The following FPR3 variants were observed in gnomAD, a reference collection of about 807,000 sequenced individuals.
FPR3 encodes N-formyl peptide receptor 3.
For synonymous variants in FPR3, 135 were observed against 163.6 expected (o/e 0.83, Z 1.34); for missense variants, 346 against 443.2 (o/e 0.78, Z 1.97).
chr19:51,798,698 C>T (rs1358576685), intron 1 of FPR3, among the ~76,000 whole-genome samples: 1 of 152,008 alleles, frequency 6.6e-6, no homozygotes, highest in African/African-American at 2.4e-5. Flanking sequence ...CATGGATTCT[C>T]CCTAGTAAAA....
intron 1 of FPR3, among the ~76,000 whole-genome samples, chr19:51,812,894 G>T (rs1420844645): frequency 6.6e-6 from 1 of 152,148 alleles, no homozygotes; most frequent in Non-Finnish European, 1.5e-5. Flanking sequence ...TCTGAGGTGG[G>T]TGAATCACCT....
At chr19:51,801,604 A>T (rs2084027110) in intron 1 of FPR3, among the ~76,000 whole-genome samples, 1 of 152,172 alleles carries the variant, frequency 6.6e-6, no homozygotes, top group African/African-American at 2.4e-5. Context: ...AACATGGTGA[A>T]ACCCCATCTC....
At chr19:51,822,968 T>C (rs971769691) in intron 1 of FPR3, among the ~76,000 whole-genome samples, 1 of 152,072 alleles carries the variant, frequency 6.6e-6, no homozygotes, top group African/African-American at 2.4e-5. Flanking sequence ...GTTCAAGCAA[T>C]TCTCCTGCCT....
chr19:51,811,205 T>G (rs1432422998), intron 1 of FPR3, among the ~76,000 whole-genome samples: 1 of 152,180 alleles, frequency 6.6e-6, no homozygotes, highest in Admixed American at 6.5e-5. Context: ...GATGAGCCCA[T>G]TTTAATCCTT....
chr19:51,801,846 T>C (rs533231484), intron 1 of FPR3, among the ~76,000 whole-genome samples: 1 of 152,368 alleles, frequency 6.6e-6, no homozygotes, highest in African/African-American at 2.4e-5. Context: ...TCTACTCCCA[T>C]AATCTTGAGA....
intron 1 of FPR3, among the ~76,000 whole-genome samples, chr19:51,799,033 G>A (rs1339356697): frequency 2.0e-5 from 3 of 151,474 alleles, no homozygotes; most frequent in Non-Finnish European, 4.4e-5. Flanking sequence ...CTTGAACCCA[G>A]GAGGCGAAGG....
chr19:51,805,899 G>C (rs1390927661), intron 1 of FPR3, among the ~76,000 whole-genome samples: 2 of 152,148 alleles, frequency 1.3e-5, no homozygotes, highest in Non-Finnish European at 2.9e-5. Flanking sequence ...CCAAGCCTCG[G>C]ACAGATTAAC....
At chr19:51,800,771 C>A (rs191664535) in intron 1 of FPR3, among the ~76,000 whole-genome samples, 42 of 151,964 alleles carry the variant, frequency 2.8e-4, no homozygotes, top group African/African-American at 9.9e-4. Flanking sequence ...TTTTTGGTAA[C>A]AATGTGTAAA....
rs140768137 is a variant in FPR3 at position 51,823,909 on chromosome 19, G to A, written c.161G>A (p.Arg54Gln). 39 of 1,614,030 alleles carry A rather than the reference G, an allele frequency of 2.4e-5. No homozygotes were observed. The highest frequency in any genetic ancestry group is 3.3e-4 in the Middle Eastern group (2 of 6,056). The change falls in exon 2 of 2, where the codon CGG (arginine) becomes CAG (glutamine). Residue 54 changes from arginine to glutamine, a missense_variant. Coordinates refer to ENST00000339223, the MANE Select transcript of FPR3 (RefSeq NM_002030.5). ...CTTGTGATCTGGGTGGCTGGATTCCGGATGACACGCACAGTCAACACCATC... is the reference window on the plus strand; with the variant it reads ...CTTGTGATCTGGGTGGCTGGATTCCAGATGACACGCACAGTCAACACCATC... ...NGLVIWVAGF[R>Q]MTRTVNTICY...
At position 51,824,305 on chromosome 19, in the gene FPR3, C is replaced by T; in HGVS notation, c.557C>T (p.Thr186Ile). The change falls in exon 2 of 2, where the codon ACT becomes ATT. Residue 186 changes from threonine to isoleucine, a missense_variant. Transcript: ENST00000339223. This position sits in a 1 kb window ranked among gnomAD's most constrained non-coding sequence, Gnocchi z 4.7. ...TTCAACTTTGCATTCTGGGGTGACACTGCTGTAGAGAGGTTGAACGTGTTC... is the reference window on the plus strand; with the variant it reads ...TTCAACTTTGCATTCTGGGGTGACATTGCTGTAGAGAGGTTGAACGTGTTC... ...CIFNFAFWGD[T>I]AVERLNVFIT... The T allele has an allele frequency of 6.2e-7, 1 of 1,614,152 alleles. No individual in the cohort carries two copies. Among genetic ancestry groups the T allele is most frequent in the Non-Finnish European group, 8.5e-7 (1 of 1,180,010 alleles).
intron 1 of FPR3, among the ~76,000 whole-genome samples, chr19:51,813,096 G>A (rs1393389917): frequency 6.6e-6 from 1 of 151,034 alleles, no homozygotes; most frequent in South Asian, 2.1e-4. Context: ...TCCAGCATGG[G>A]TGACAGAGTG....
chr19:51,806,736 A>G (rs540498394), intron 1 of FPR3, among the ~76,000 whole-genome samples: 190 of 152,362 alleles, frequency 1.2e-3, no homozygotes, highest in African/African-American at 4.4e-3. Flanking sequence ...GATGACAGAC[A>G]ATGTCGCTGT....
At chr19:51,809,922 C>G (rs1465930493) in intron 1 of FPR3, among the ~76,000 whole-genome samples, 1 of 152,012 alleles carries the variant, frequency 6.6e-6, no homozygotes. Context: ...GGTCCAGGCC[C>G]CCATCTCATT....
At chr19:51,815,310 C>G (rs1425152864) in intron 1 of FPR3, among the ~76,000 whole-genome samples, 1 of 151,972 alleles carries the variant, frequency 6.6e-6, no homozygotes, top group African/African-American at 2.4e-5. Context: ...GCCTGTAATC[C>G]CAGCACTCTC....
intron 1 of FPR3, among the ~76,000 whole-genome samples, chr19:51,810,590 C>G (rs1321909656): frequency 1.3e-5 from 2 of 152,184 alleles, no homozygotes; most frequent in African/African-American, 4.8e-5. Context: ...TGTAATGTCT[C>G]CGTGTCCAGC....
At chr19:51,819,872 T>C (rs1761983002) in intron 1 of FPR3, among the ~76,000 whole-genome samples, 3 of 152,192 alleles carry the variant, frequency 2.0e-5, no homozygotes, top group South Asian at 4.1e-4. Flanking sequence ...AAGGATCTAG[T>C]AGAAATCAAA....
At chr19:51,817,779 T>C (rs545255077) in intron 1 of FPR3, 1 of 152,318 alleles carries the variant, frequency 6.6e-6, no homozygotes, top group Non-Finnish European at 1.5e-5. Context: ...TCCTTGGAGC[T>C]TGTGTTGCTC....
Position 51,824,016 on chromosome 19 carries a change from A to C in FPR3, c.268A>C (p.Lys90Gln). The part of the protein sequence containing the change: ...FRMVSVAMRE[K>Q]WPFGSFLCKL... ...AATGGTCTCAGTCGCCATGAGAGAAAAATGGCCTTTTGGCTCATTCCTATG... is the reference window on the plus strand; with the variant it reads ...AATGGTCTCAGTCGCCATGAGAGAACAATGGCCTTTTGGCTCATTCCTATG... The change falls in exon 2 of 2, where the codon AAA becomes CAA. Residue 90 changes from lysine to glutamine, a missense_variant. By Grantham distance (53) the Lys-to-Gln change is moderately conservative. Transcript: ENST00000339223. The surrounding 1 kb of genome is among the most constrained non-coding windows in gnomAD (Gnocchi z 4.7). The C allele has an allele frequency of 1.2e-6, 2 of 1,614,098 alleles. No individual in the cohort carries two copies. Among genetic ancestry groups the C allele is most frequent in the Non-Finnish European group, 1.7e-6 (2 of 1,180,000 alleles).
intron 1 of FPR3, among the ~76,000 whole-genome samples, chr19:51,801,522 C>T (rs911745049): frequency 5.3e-5 from 8 of 152,152 alleles, no homozygotes; most frequent in African/African-American, 1.4e-4. Context: ...GGCTCACGCC[C>T]GTAATCCCAG....
Sources: allele counts gnomAD v4.1 joint callset (sites outside exome capture counted in the v4.1 genomes callset), GRCh38; gene constraint gnomAD v4.1.1; non-coding constraint Gnocchi (gnomAD v3.1); transcripts MANE v1.5; gene names NCBI Gene and HGNC (gene_info 2026-07-23, HGNC 2026-07-21).